The following PTPRN2 variants were observed in gnomAD, a reference collection of about 807,000 sequenced individuals.
PTPRN2 encodes the protein receptor-type tyrosine-protein phosphatase N2.
PTPRN2 carries 74 observed loss-of-function variants against 118.8 expected under a neutral mutation model. The ratio of observed to expected loss-of-function variants is 0.62; its 90% CI spans 0.52 to 0.76. The LOEUF (loss-of-function observed/expected upper bound fraction) is 0.76. PTPRN2 is among the 30% of genes least tolerant of loss of function. The pLI, the probability that PTPRN2 is intolerant of heterozygous loss-of-function variation, is 0.00. For synonymous variants in PTPRN2, 641 were observed against 608.0 expected (o/e 1.05, Z -0.80); for missense variants, 1,481 against 1,394.4 (o/e 1.06, Z -0.99).
chr7:157,993,155 T>C (rs1804379850), intron 11 of PTPRN2, among the ~76,000 whole-genome samples: 1 of 152,210 alleles, frequency 6.6e-6, no homozygotes, highest in African/African-American at 2.4e-5. Flanking sequence ...CTAACTCATT[T>C]TCCCACAACA....
At chr7:157,910,278 C>A (rs1798017550) in intron 11 of PTPRN2, among the ~76,000 whole-genome samples, 1 of 149,494 alleles carries the variant, frequency 6.7e-6, no homozygotes, top group Non-Finnish European at 1.5e-5. Flanking sequence ...CAGGACCACG[C>A]ACGTACGCCG....
At chr7:157,653,461 C>T (rs1012718401) in intron 14 of PTPRN2, among the ~76,000 whole-genome samples, 4 of 152,096 alleles carry the variant, frequency 2.6e-5, no homozygotes, top group African/African-American at 7.2e-5. Flanking sequence ...TGCGTTCCTG[C>T]GGCACCAACC....
intron 3 of PTPRN2, among the ~76,000 whole-genome samples, chr7:158,312,656 T>C (rs1801931658): frequency 6.8e-6 from 1 of 146,708 alleles, no homozygotes; most frequent in African/African-American, 2.5e-5. Flanking sequence ...CAAGTGTGCA[T>C]GCATGTGTGC....
At chr7:158,386,622 G>A (rs374884663) in intron 2 of PTPRN2, among the ~76,000 whole-genome samples, 4 of 152,134 alleles carry the variant, frequency 2.6e-5, no homozygotes, top group East Asian at 3.8e-4. Context: ...ACACACTGTC[G>A]ATCATCCAAA....
At chr7:157,907,539 C>G (rs113596939) in intron 11 of PTPRN2, among the ~76,000 whole-genome samples, 10,427 of 142,492 alleles carry the variant, frequency 0.073, 1,266 homozygotes, top group African/African-American at 0.25. Flanking sequence ...TGTGGGGTGT[C>G]CTGGGTGGCA....
intron 2 of PTPRN2, among the ~76,000 whole-genome samples, chr7:158,331,770 A>G (rs1298571680): frequency 1.3e-5 from 2 of 151,068 alleles, no homozygotes; most frequent in Non-Finnish European, 1.5e-5. Context: ...CACTCTCACC[A>G]TAAGAGCTGT....
intron 22 of PTPRN2, among the ~76,000 whole-genome samples, chr7:157,545,523 T>C (rs1487024924): frequency 6.6e-6 from 1 of 152,062 alleles, no homozygotes; most frequent in African/African-American, 2.4e-5. Context: ...ACAGTGTGTG[T>C]GGCTGAGTGT....
intron 1 of PTPRN2, among the ~76,000 whole-genome samples, chr7:158,582,206 C>T (rs925971444): frequency 6.6e-6 from 1 of 152,126 alleles, no homozygotes; most frequent in African/African-American, 2.4e-5. Context: ...TCAACTTAAA[C>T]TAATGTGGAA....
intron 1 of PTPRN2, among the ~76,000 whole-genome samples, chr7:158,501,425 A>G (rs924939800): frequency 9.2e-5 from 14 of 152,166 alleles, no homozygotes; most frequent in African/African-American, 3.4e-4. Context: ...GACGTGATCA[A>G]TGGGCCAATC....
chr7:157,946,955 T>C (rs759570912), intron 11 of PTPRN2, among the ~76,000 whole-genome samples: 12 of 152,150 alleles, frequency 7.9e-5, no homozygotes, highest in Non-Finnish European at 1.5e-4. Context: ...TCTCTATCCA[T>C]TGACTCCCAT....
chr7:158,312,826 C>T (rs1197572629), intron 3 of PTPRN2, among the ~76,000 whole-genome samples: 1 of 150,748 alleles, frequency 6.6e-6, no homozygotes, highest in Non-Finnish European at 1.5e-5. Context: ...TGTAGATATC[C>T]CCTACACGTG....
chr7:157,819,390 G>A (rs1033057294), intron 12 of PTPRN2, among the ~76,000 whole-genome samples: 6 of 152,210 alleles, frequency 3.9e-5, no homozygotes, highest in African/African-American at 1.2e-4. Flanking sequence ...ATCCGTCAGC[G>A]TCAATTAGGA....
At chr7:157,777,395 C>T (rs943558753) in intron 12 of PTPRN2, among the ~76,000 whole-genome samples, 1 of 151,738 alleles carries the variant, frequency 6.6e-6, no homozygotes, top group African/African-American at 2.4e-5. Flanking sequence ...GGAGGACACG[C>T]AGTGCCCCAC....
rs974406794 is a variant in PTPRN2, at chr7:158,313,247, C to T, written c.277+3572G>A. Among the ~76,000 whole-genome samples, 2 of 152,296 alleles carry T rather than the reference C, an allele frequency of 1.3e-5. 1 individual carries two copies. Among genetic ancestry groups the T allele is most frequent in the Admixed American group, 1.3e-4 (2 of 15,304 alleles). On this transcript the variant is annotated intron_variant, in intron 3 of 22. Transcript: ENST00000389418. ...CAATGGCCCTGGCAACCAAAGAGGC[C>T]TCCTGCCACAGGGTCGTCCTCCTGC...
rs561978853 is a variant in PTPRN2, at chr7:157,615,586, C to T, written c.2344+5776G>A. The T allele has an allele frequency of 4.9e-5, 23 of 471,230 alleles. No individual in the cohort carries two copies. The highest frequency in any genetic ancestry group is 2.2e-4 in the South Asian group (14 of 64,570). The allele number at this position is 471,230 out of a possible 1,614,324, so 29.2% of individuals were successfully genotyped here. A position where few individuals can be genotyped will look rare whatever the true frequency, so the allele number is the denominator to read the frequency against. On this transcript the variant is annotated intron_variant, in intron 15 of 22. Transcript: ENST00000389418. This position sits in a 1 kb window ranked among gnomAD's most constrained non-coding sequence, Gnocchi z 4.3. ...TGGAACCAGCGCCTGGGAAGTCCCG[C>T]GGTGGATCCGCGTCACGGGGGAGGA...
intron 11 of PTPRN2, among the ~76,000 whole-genome samples, chr7:158,067,699 G>C (rs1810880219): frequency 6.6e-6 from 1 of 152,118 alleles, no homozygotes; most frequent in African/African-American, 2.4e-5. Context: ...AGGCGTGAAG[G>C]AGTGAGCGAG....
chr7:157,880,925 T>A (rs941496724), intron 12 of PTPRN2, among the ~76,000 whole-genome samples: 1 of 152,224 alleles, frequency 6.6e-6, no homozygotes, highest in Non-Finnish European at 1.5e-5. Context: ...AAAAAGGCAC[T>A]CTGAGTTAAA....
intron 21 of PTPRN2, among the ~76,000 whole-genome samples, chr7:157,549,481 C>A (rs1057233704): frequency 3.9e-5 from 6 of 152,064 alleles, no homozygotes; most frequent in African/African-American, 1.4e-4. Flanking sequence ...TGGCTTTTAA[C>A]TGTAGAGTTT....
chr7:158,557,163 C>T (rs1357696178), intron 1 of PTPRN2, among the ~76,000 whole-genome samples: 1 of 131,932 alleles, frequency 7.6e-6, no homozygotes, highest in Non-Finnish European at 1.6e-5. Flanking sequence ...GCGGCTCCCA[C>T]GCAGGTCAGG....
Sources: gnomAD v4.1 joint callset for allele counts (sites outside exome capture counted in the v4.1 genomes callset) on GRCh38, gnomAD v4.1.1 for gene constraint, Gnocchi (gnomAD v3.1) non-coding constraint, MANE v1.5 for transcripts, NCBI Gene and HGNC (gene_info 2026-07-23, HGNC 2026-07-21) for gene names.